Variants in SIPA1L1 observed in about 807,000 individuals in gnomAD.
SIPA1L1 encodes signal induced proliferation associated 1 like 1, also known as signal-induced proliferation-associated 1-like protein 1.
A neutral mutation model predicts 162.7 loss-of-function variants in SIPA1L1; 26 were observed. The observed-to-expected ratio is 0.16, with a 90% confidence interval of 0.12 to 0.22. The LOEUF is 0.22. SIPA1L1 is among the 10% of genes least tolerant of loss of function. The pLI, the probability that SIPA1L1 is intolerant of heterozygous loss-of-function variation, is 1.00. For synonymous variants in SIPA1L1, 829 were observed against 837.4 expected, an observed-to-expected ratio of 0.99 and a Z score of 0.17; for missense variants, 1,874 against 2,241.0, an observed-to-expected ratio of 0.84 and a Z score of 3.31.
chr14:71,441,337 C>T (rs2044838134), intron 2 of SIPA1L1, among the ~76,000 whole-genome samples: 1 of 152,168 alleles, frequency 6.6e-6, no homozygotes, highest in Non-Finnish European at 1.5e-5. Flanking sequence ...TCTGGTGTGG[C>T]CTTCCCTAGG....
intron 2 of SIPA1L1, among the ~76,000 whole-genome samples, chr14:71,509,245 T>C (rs2050917131): frequency 6.6e-6 from 1 of 152,246 alleles, no homozygotes; most frequent in Non-Finnish European, 1.5e-5. Context: ...CCTGAATTTC[T>C]GTTTTTATTT....
chr14:71,345,301 C>T (rs1280271507), intron 2 of SIPA1L1, among the ~76,000 whole-genome samples: 1 of 152,128 alleles, frequency 6.6e-6, no homozygotes, highest in Non-Finnish European at 1.5e-5. Flanking sequence ...CTCTTTCATG[C>T]ACTTATTCAG....
At chr14:71,613,956 C>T (rs2038520465) in intron 5 of SIPA1L1, among the ~76,000 whole-genome samples, 1 of 151,996 alleles carries the variant, frequency 6.6e-6, no homozygotes, top group Non-Finnish European at 1.5e-5. Context: ...TATCCTAGCA[C>T]TTTGGGAAGC....
At chr14:71,375,685 A>C (rs2039308982) in intron 2 of SIPA1L1, among the ~76,000 whole-genome samples, 1 of 152,082 alleles carries the variant, frequency 6.6e-6, no homozygotes, top group Admixed American at 6.6e-5. Context: ...TTTTGCCTTT[A>C]AGTATTATAT....
At chr14:71,509,381 G>A (rs1459398269) in intron 2 of SIPA1L1, among the ~76,000 whole-genome samples, 6 of 152,162 alleles carry the variant, frequency 3.9e-5, no homozygotes, top group Admixed American at 6.6e-5. Context: ...GGAAGCATAC[G>A]TCTACAAATT....
chr14:71,515,497 T>C lies in SIPA1L1; in HGVS notation c.-362+2652T>C, dbSNP rs770787340. ...AATTGCTCATTTTGAAATAGTGCTGTTAGAAAGCAAACAATGAATTAGAGC... is the reference window on the plus strand; with the variant it reads ...AATTGCTCATTTTGAAATAGTGCTGCTAGAAAGCAAACAATGAATTAGAGC... On this transcript the variant is annotated intron_variant, in intron 3 of 23. Coordinates refer to ENST00000381232, the MANE Select transcript of SIPA1L1 (RefSeq NM_001386936.1). Among the ~76,000 whole-genome samples the C allele has an allele frequency of 4.3e-4, 66 of 152,214 alleles. 1 individual carries two copies. Among genetic ancestry groups the C allele is most frequent in the Non-Finnish European group, 8.2e-4 (56 of 68,032 alleles).
intron 23 of SIPA1L1, 66 bp downstream of exon 23, chr14:71,738,391 T>G: frequency 3.7e-6 from 4 of 1,074,910 alleles, no homozygotes; most frequent in Non-Finnish European, 5.7e-6. Context: ...ATGAGAGCCC[T>G]TTCTAAGTAG....
intron 7 of SIPA1L1, among the ~76,000 whole-genome samples, chr14:71,641,610 C>T (rs1473525601): frequency 7.9e-5 from 12 of 152,188 alleles, no homozygotes; most frequent in Non-Finnish European, 4.4e-5. Context: ...GTAGTACCAG[C>T]TACTCTGGAG....
chr14:71,378,766 T>C (rs1489531862), intron 2 of SIPA1L1, among the ~76,000 whole-genome samples: 1 of 152,214 alleles, frequency 6.6e-6, no homozygotes, highest in Admixed American at 6.5e-5. Flanking sequence ...TTTTTTATTA[T>C]GTCTGTTGTT....
intron 2 of SIPA1L1, among the ~76,000 whole-genome samples, chr14:71,472,569 A>G (rs2047544903): frequency 6.6e-6 from 1 of 152,098 alleles, no homozygotes; most frequent in South Asian, 2.1e-4. Flanking sequence ...TTGTATAAGA[A>G]TGACTAGACT....
chr14:71,374,376 T>C (rs1438865795), intron 2 of SIPA1L1, among the ~76,000 whole-genome samples: 3 of 152,074 alleles, frequency 2.0e-5, no homozygotes, highest in African/African-American at 7.2e-5. Context: ...GGTAAACTTA[T>C]TTGGAGAAAT....
intron 13 of SIPA1L1, among the ~76,000 whole-genome samples, chr14:71,691,315 G>T (rs2081237733): frequency 6.6e-6 from 1 of 152,180 alleles, no homozygotes; most frequent in Non-Finnish European, 1.5e-5. Flanking sequence ...GTGTTGGCTG[G>T]GTGCTGTGGT....
chr14:71,593,576 A>G (rs528749232), intron 5 of SIPA1L1, among the ~76,000 whole-genome samples: 4 of 152,268 alleles, frequency 2.6e-5, no homozygotes, highest in African/African-American at 7.2e-5. Flanking sequence ...GGAAAATACT[A>G]AGTTATAGAA....
intron 4 of SIPA1L1, chr14:71,574,020 T>C (rs2032569520): frequency 7.1e-6 from 2 of 282,080 alleles, no homozygotes; most frequent in African/African-American, 2.2e-5. Context: ...GCAGCAGTTC[T>C]GGTGTTAGAA....
rs1391310820 is a variant in SIPA1L1 at position 71,377,206 on chromosome 14, C to A, written c.-465+56025C>A. Among the ~76,000 whole-genome samples the A allele has an allele frequency of 1.3e-5, 2 of 150,056 alleles. No homozygotes were observed. The highest frequency in any genetic ancestry group is 3.0e-5 in the Non-Finnish European group (2 of 67,268). On this transcript the variant is annotated intron_variant, in intron 2 of 23. Transcript: ENST00000381232. The surrounding 1 kb of genome is among the most constrained non-coding windows in gnomAD (Gnocchi z 4.8). The stretch of plus-strand genomic sequence containing the variant: ...CGGCGGCCGGGTGGGGGCGCCCCCC[C>A]ACCTCCCAGATGGGGTGGCGGCTGG...
chr14:71,730,602 T>C (rs1198904749), intron 20 of SIPA1L1, among the ~76,000 whole-genome samples: 2 of 152,212 alleles, frequency 1.3e-5, no homozygotes, highest in African/African-American at 4.8e-5. Flanking sequence ...GCTGTTATGA[T>C]TGAGCAAATT....
At chr14:71,590,092 T>C (rs570924097) in intron 5 of SIPA1L1, among the ~76,000 whole-genome samples, 20 of 137,900 alleles carry the variant, frequency 1.5e-4, no homozygotes, top group East Asian at 4.3e-4. Flanking sequence ...CACACACACA[T>C]ATATACACAC....
At position 71,709,556 on chromosome 14, in the gene SIPA1L1, C is replaced by G; in HGVS notation, c.4100C>G (p.Thr1367Arg). 2 of 1,614,184 alleles carry G rather than the reference C, an allele frequency of 1.2e-6. No individual in the cohort carries two copies. The highest frequency in any genetic ancestry group is 2.2e-5 in the South Asian group (2 of 91,086). The change falls in exon 17 of 24, where the codon ACA becomes AGA. Residue 1367 changes from threonine to arginine, a missense_variant. This residue lies in a region of SIPA1L1 where 936 missense variants were observed against 1,051.9 expected (regional missense o/e 0.89). Coordinates refer to ENST00000381232, the MANE Select transcript of SIPA1L1 (RefSeq NM_001386936.1). ...GAGAGCCACGGCCTGGACCGGAAAA[C>G]AGAGTCTTCCCTGAGCTTAGACATA... ...ETESHGLDRK[T>R]ESSLSLDIHS...
chr14:71,514,976 G>T (rs991400499), intron 3 of SIPA1L1, among the ~76,000 whole-genome samples: 1 of 152,204 alleles, frequency 6.6e-6, no homozygotes, highest in African/African-American at 2.4e-5. Context: ...AGTGACAGGA[G>T]AGCATGTATG....
Sources: allele counts gnomAD v4.1 joint callset (sites outside exome capture counted in the v4.1 genomes callset), GRCh38; gene constraint gnomAD v4.1.1; regional missense constraint gnomAD v4.1.1; non-coding constraint Gnocchi (gnomAD v3.1); transcripts MANE v1.5; gene names NCBI Gene and HGNC (gene_info 2026-07-23, HGNC 2026-07-21).